The following CEP126 variants were observed in gnomAD, a reference collection of about 807,000 sequenced individuals.
The protein encoded by CEP126 is centrosomal protein of 126 kDa.
In CEP126, 74 loss-of-function variants were observed where a neutral mutation model predicts 107.8. The ratio of observed to expected loss-of-function variants is 0.69; its 90% CI spans 0.57 to 0.83. The LOEUF (loss-of-function observed/expected upper bound fraction) is 0.83, where lower values mean the gene tolerates loss of function less well. Among genes scored for constraint, CEP126 ranks in the 40% least tolerant of loss-of-function variants. The probability of loss-of-function intolerance (pLI) is 0.00; values close to 1 mark genes in which losing one functional copy is unlikely to be tolerated. For synonymous variants in CEP126, 449 were observed against 446.0 expected, an observed-to-expected ratio of 1.01 and a Z score of -0.08; for missense variants, 1,237 against 1,281.9, an observed-to-expected ratio of 0.96 and a Z score of 0.53.
chr11:101,993,576 G>T (rs552679514), intron 10 of CEP126, among the ~76,000 whole-genome samples: 20 of 152,288 alleles, frequency 1.3e-4, no homozygotes, highest in African/African-American at 4.8e-4. Flanking sequence ...ACCCGATAAT[G>T]GGATTGCTGG....
At chr11:101,920,060 T>G (rs569453518) in intron 1 of CEP126, among the ~76,000 whole-genome samples, 2 of 152,336 alleles carry the variant, frequency 1.3e-5, no homozygotes, top group Non-Finnish European at 2.9e-5. Flanking sequence ...AAAGAAATCT[T>G]TAAGTAAAAA....
intron 8 of CEP126, among the ~76,000 whole-genome samples, chr11:101,982,968 A>G (rs1421552794): frequency 6.6e-6 from 1 of 152,140 alleles, no homozygotes; most frequent in Non-Finnish European, 1.5e-5. Context: ...CAGCTGCACT[A>G]TATCTTTCCC....
intron 4 of CEP126, among the ~76,000 whole-genome samples, chr11:101,954,275 C>T (rs772165072): frequency 9.9e-5 from 15 of 152,178 alleles, no homozygotes; most frequent in Non-Finnish European, 1.3e-4. Context: ...ATCCACCCGC[C>T]TCGGCCTCCC....
chr11:101,955,217 G>A (rs1160862799), intron 4 of CEP126, among the ~76,000 whole-genome samples: 1 of 152,120 alleles, frequency 6.6e-6, no homozygotes, highest in Non-Finnish European at 1.5e-5. Context: ...TAATAAGGGA[G>A]TAAAGTTAAA....
At chr11:101,979,391 A>T (rs1941229809) in intron 7 of CEP126, among the ~76,000 whole-genome samples, 1 of 152,168 alleles carries the variant, frequency 6.6e-6, no homozygotes, top group Non-Finnish European at 1.5e-5. Flanking sequence ...ACAAATGAAT[A>T]AAGAGTTTAA....
Position 101,962,395 on chromosome 11 carries a change from A to G in CEP126, c.1360A>G (p.Thr454Ala), listed in dbSNP as rs769990793. The G allele has an allele frequency of 1.9e-6, 3 of 1,613,936 alleles. No individual in the cohort carries two copies. The highest frequency in any genetic ancestry group is 1.3e-5 in the African/African-American group (1 of 75,060). ...AGAAAATGGAACTACTTCAATTCCT[A>G]CTTCATGTGTACCAGTGGCAACGCC... ...NQENGTTSIPTSCVPVATPLV... is the reference protein window; with the variant it reads ...NQENGTTSIPASCVPVATPLV... The change falls in exon 6 of 11, where the codon ACT (threonine) becomes GCT (alanine). Residue 454 changes from threonine (T) to alanine (A), a missense_variant. Transcript: ENST00000263468.
intron 9 of CEP126, 112 bp downstream of exon 9, chr11:101,987,153 A>G: frequency 1.4e-6 from 1 of 696,376 alleles, no homozygotes; most frequent in Non-Finnish European, 2.4e-6. Flanking sequence ...TATCCATATT[A>G]CCAACTACCT....
chr11:101,977,539 G>A (rs1449289564), intron 6 of CEP126, among the ~76,000 whole-genome samples: 2 of 149,088 alleles, frequency 1.3e-5, no homozygotes, highest in African/African-American at 5.0e-5. Context: ...GCTGAGGCAG[G>A]AGAATCACCT....
intron 6 of CEP126, among the ~76,000 whole-genome samples, chr11:101,968,361 A>G (rs1259667003): frequency 6.6e-6 from 1 of 152,118 alleles, no homozygotes; most frequent in Non-Finnish European, 1.5e-5. Context: ...GTTTCCTTTG[A>G]GATAAAACTT....
Position 101,981,965 on chromosome 11 carries a change from G to A in CEP126, c.3034+1G>A, listed in dbSNP as rs1280983337. ...AGGGGTACTTCTTATATTGAAGAAG[G>A]TATGTTTTAGTTTAAACATTTTTCT... On this transcript the variant is annotated splice_donor_variant, in intron 8 of 10. Coordinates refer to ENST00000263468, the MANE Select transcript of CEP126 (RefSeq NM_020802.4). LOFTEE classifies it high-confidence loss of function. 6.0e-6 allele frequency: 9 copies of A among 1,493,540 alleles called. No homozygotes were observed. Among genetic ancestry groups the A allele is most frequent in the Non-Finnish European group, 6.4e-6 (7 of 1,087,702 alleles). 92.5% of individuals were successfully genotyped at this position (1,493,540 alleles called of 1,614,324 possible). A position where few individuals can be genotyped will look rare whatever the true frequency, so the allele number is the denominator to read the frequency against.
chr11:101,940,113 C>T (rs867332880), intron 2 of CEP126, among the ~76,000 whole-genome samples: 1 of 152,128 alleles, frequency 6.6e-6, no homozygotes, highest in South Asian at 2.1e-4. Flanking sequence ...ACAGACATCT[C>T]TGTTTAAAAA....
In CEP126 at chr11:101,963,654, A is replaced by G. The variant is rs144523319; in HGVS notation, c.2619A>G (p.Pro873=). 7.4e-6 allele frequency: 12 copies of G among 1,614,134 alleles called. No homozygotes were observed. Among genetic ancestry groups the G allele is most frequent in the Non-Finnish European group, 8.5e-6 (10 of 1,180,004 alleles). Residue 873 remains proline, a synonymous_variant, in exon 6 of 11, where the codon CCA becomes CCG. Coordinates refer to ENST00000263468, the MANE Select transcript of CEP126 (RefSeq NM_020802.4). ...GTTCTGACCTAGTCACTGTGATACCATCACTGCCATCATATTGTTCTTCAG... is the reference window on the plus strand; with the variant it reads ...GTTCTGACCTAGTCACTGTGATACCGTCACTGCCATCATATTGTTCTTCAG... ...NACSDLVTVI[P]SLPSYCSSEC... is the part of the protein sequence containing the mutation.
chr11:101,934,844 G>A (rs1399551320), intron 2 of CEP126, among the ~76,000 whole-genome samples: 3 of 152,032 alleles, frequency 2.0e-5, no homozygotes, highest in Non-Finnish European at 4.4e-5. Flanking sequence ...AGTCAAAATG[G>A]TAAAACATGA....
chr11:101,965,220 ATAGT>A (rs1423070669), intron 6 of CEP126, among the ~76,000 whole-genome samples: 8 of 152,220 alleles, frequency 5.3e-5, no homozygotes, highest in African/African-American at 1.9e-4. Flanking sequence ...CTATTGAGAA[ATAGT>A]TAGGACTGGA....
intron 3 of CEP126, among the ~76,000 whole-genome samples, chr11:101,946,098 G>C (rs1170379648): frequency 1.3e-5 from 2 of 152,072 alleles, no homozygotes; most frequent in African/African-American, 4.8e-5. Context: ...GCAGTGCACT[G>C]AGTGTAAGAG....
intron 2 of CEP126, among the ~76,000 whole-genome samples, chr11:101,932,852 A>G (rs1315617441): frequency 6.6e-6 from 1 of 152,180 alleles, no homozygotes; most frequent in Non-Finnish European, 1.5e-5. Context: ...TTGCCTCACT[A>G]AATAATAAAT....
chr11:101,919,649 G>A (rs1390289681), intron 1 of CEP126, among the ~76,000 whole-genome samples: 1 of 151,976 alleles, frequency 6.6e-6, no homozygotes, highest in Admixed American at 6.5e-5. Flanking sequence ...TAATTCAGCA[G>A]GAAACATACT....
At position 101,961,872 on chromosome 11, in the gene CEP126, T is replaced by G; in HGVS notation, c.837T>G (p.Asn279Lys). 6.2e-7 allele frequency: 1 copy of G among 1,612,872 alleles called. No homozygotes were observed. Residue 279 changes from asparagine (N) to lysine (K), a missense_variant, in exon 6 of 11, where the codon AAT (asparagine) becomes AAG (lysine). This residue lies in a region of CEP126 where 1,134 missense variants were observed against 1,150.5 expected (regional missense o/e 0.99). Coordinates refer to ENST00000263468, the MANE Select transcript of CEP126 (RefSeq NM_020802.4). ...NKEHSTSIQR[N>K]TISLKPANMQ... is the part of the protein sequence containing the mutation. ...AGCATTCCACATCCATCCAGCGGAA[T>G]ACCATTTCCCTCAAACCAGCAAATA...
At chr11:101,936,710 C>T (rs952779172) in intron 2 of CEP126, among the ~76,000 whole-genome samples, 1 of 152,112 alleles carries the variant, frequency 6.6e-6, no homozygotes, top group African/African-American at 2.4e-5. Flanking sequence ...GGTAGGTGCC[C>T]TCTATCAGAT....
Sources: allele counts gnomAD v4.1 joint callset (sites outside exome capture counted in the v4.1 genomes callset), GRCh38; gene constraint gnomAD v4.1.1; regional missense constraint gnomAD v4.1.1; transcripts MANE v1.5; gene names NCBI Gene and HGNC (gene_info 2026-07-23, HGNC 2026-07-21).